The following NCAM1 variants were observed in gnomAD, a reference collection of about 807,000 sequenced individuals.
NCAM1 encodes the protein antigen recognized by monoclonal antibody 5.1H11.
A neutral mutation model predicts 109.8 loss-of-function variants in NCAM1; 14 were observed. The observed-to-expected ratio is 0.13, with a 90% CI of 0.08 to 0.20. The LOEUF is 0.20. NCAM1 is among the 10% of genes least tolerant of loss of function. NCAM1 has a pLI of 1.00. For synonymous variants in NCAM1, 418 were observed against 442.9 expected (o/e 0.94, Z 0.70); for missense variants, 774 against 1,109.9 (o/e 0.70, Z 4.30).
intron 1 of NCAM1, among the ~76,000 whole-genome samples, chr11:113,009,773 G>T (rs914151610): frequency 6.6e-6 from 1 of 152,130 alleles, no homozygotes; most frequent in Non-Finnish European, 1.5e-5. Context: ...AAGATAAAGG[G>T]AGTAATATGG....
intron 1 of NCAM1, among the ~76,000 whole-genome samples, chr11:113,053,131 C>G (rs1480259367): frequency 1.3e-5 from 2 of 152,198 alleles, no homozygotes; most frequent in Non-Finnish European, 2.9e-5. Flanking sequence ...TTGTTCAGCT[C>G]TCACTTATGA....
chr11:113,107,143 A>G (rs1204712685), intron 1 of NCAM1, among the ~76,000 whole-genome samples: 1 of 152,202 alleles, frequency 6.6e-6, no homozygotes, highest in Non-Finnish European at 1.5e-5. Context: ...AGACAGAAAT[A>G]CTTGGGAGAG....
chr11:112,980,143 A>T (rs1301155214), intron 1 of NCAM1, among the ~76,000 whole-genome samples: 1 of 152,012 alleles, frequency 6.6e-6, no homozygotes, highest in Non-Finnish European at 1.5e-5. Context: ...CCACAGTGAG[A>T]TACCACTTCA....
chr11:113,239,379 T>C (rs1945260338), intron 14 of NCAM1, among the ~76,000 whole-genome samples: 1 of 152,184 alleles, frequency 6.6e-6, no homozygotes, highest in Non-Finnish European at 1.5e-5. Flanking sequence ...TTCCCCTCCA[T>C]GACTGAGCTA....
chr11:113,259,888 C>T (rs1349659676), intron 16 of NCAM1, among the ~76,000 whole-genome samples: 6 of 151,758 alleles, frequency 4.0e-5, no homozygotes, highest in African/African-American at 1.5e-4. Flanking sequence ...ATTTTTAGTA[C>T]AGACGGGTTT....
At chr11:113,221,777 G>C (rs1555115366) in intron 9 of NCAM1, 1 of 157,764 alleles carries the variant, frequency 6.3e-6, no homozygotes, top group African/African-American at 2.4e-5. Context: ...ATAATGATCA[G>C]TCTTGGTAAA....
At chr11:113,239,418 A>G (rs1945261516) in intron 14 of NCAM1, among the ~76,000 whole-genome samples, 1 of 149,878 alleles carries the variant, frequency 6.7e-6, no homozygotes, top group African/African-American at 2.5e-5. Context: ...TTGCCCAAAC[A>G]TTACCTCTTA....
chr11:113,134,118 A>G (rs1941512065), intron 1 of NCAM1, among the ~76,000 whole-genome samples: 1 of 152,160 alleles, frequency 6.6e-6, no homozygotes, highest in South Asian at 2.1e-4. Flanking sequence ...GCAAGTCTAT[A>G]CCCATTAAAG....
intron 1 of NCAM1, among the ~76,000 whole-genome samples, chr11:113,001,693 G>A (rs577287640): frequency 6.6e-6 from 1 of 152,166 alleles, no homozygotes; most frequent in Non-Finnish European, 1.5e-5. Context: ...CCGAAGGCTG[G>A]TGTGGTGCCT....
intron 1 of NCAM1, among the ~76,000 whole-genome samples, chr11:112,975,192 A>T (rs7944837): frequency 0.3 from 45,979 of 151,886 alleles, 7,989 homozygotes; most frequent in East Asian, 0.67. Context: ...GTGGCCTGAG[A>T]TTCCACATTT....
chr11:112,995,855 T>C (rs1285895235), intron 1 of NCAM1, among the ~76,000 whole-genome samples: 1 of 152,230 alleles, frequency 6.6e-6, no homozygotes, highest in Non-Finnish European at 1.5e-5. Flanking sequence ...TGTCTGTTTC[T>C]GTTTGGCTAG....
chr11:113,118,239 G>A (rs1272035560), intron 1 of NCAM1, among the ~76,000 whole-genome samples: 1 of 151,740 alleles, frequency 6.6e-6, no homozygotes. Context: ...GCTCTCAGAG[G>A]ACATTCATAA....
chr11:113,193,221 A>G (rs1167372434), intron 1 of NCAM1, among the ~76,000 whole-genome samples: 2 of 152,238 alleles, frequency 1.3e-5, no homozygotes, highest in African/African-American at 4.8e-5. Flanking sequence ...GCAGGCGTGT[A>G]TCATCAAGTT....
chr11:113,074,123 T>C (rs941584530), intron 1 of NCAM1, among the ~76,000 whole-genome samples: 24 of 152,212 alleles, frequency 1.6e-4, no homozygotes, highest in African/African-American at 5.3e-4. Context: ...TACTTTTTGG[T>C]GCTGCTGCTG....
intron 2 of NCAM1, among the ~76,000 whole-genome samples, chr11:113,203,830 A>C (rs529557634): frequency 2.0e-5 from 3 of 152,350 alleles, no homozygotes; most frequent in African/African-American, 7.2e-5. Context: ...TCTCGCCTTC[A>C]TCTCAGGAGA....
At chr11:113,150,563 G>A (rs1476455498) in intron 1 of NCAM1, among the ~76,000 whole-genome samples, 1 of 152,204 alleles carries the variant, frequency 6.6e-6, no homozygotes, top group Non-Finnish European at 1.5e-5. Flanking sequence ...GCTGGGAGGA[G>A]TCAACAGCAT....
intron 1 of NCAM1, among the ~76,000 whole-genome samples, chr11:113,000,881 G>A (rs554485479): frequency 1.9e-4 from 25 of 134,692 alleles, no homozygotes; most frequent in African/African-American, 6.9e-4. Flanking sequence ...ACACATACAC[G>A]TATGTATGTG....
Position 112,961,559 on chromosome 11 carries a change from G to GGT in NCAM1, c.-53_-52insTG, listed in dbSNP as rs1950557919. 8.8e-7 allele frequency: 1 copy of GGT among 1,136,848 alleles called. No homozygotes were observed. The highest frequency in any genetic ancestry group is 2.3e-5 in the East Asian group (1 of 42,640). The allele number at this position is 1,136,848 out of a possible 1,614,324, so 70.4% of individuals were successfully genotyped here. A position where few individuals can be genotyped will look rare whatever the true frequency, so the allele number is the denominator to read the frequency against. Reference sequence around the variant, plus strand: ...CCGCCGTCCACACTCGCTGCAGGGGGGGGGGCACAGAATTTACCGCGGCAA... The same window carrying GGT: ...CCGCCGTCCACACTCGCTGCAGGGGGGTGGGGGCACAGAATTTACCGCGGCAA... On this transcript the variant is annotated 5_prime_UTR_variant, in exon 1 of 20. Transcript: ENST00000316851.
intron 1 of NCAM1, among the ~76,000 whole-genome samples, chr11:113,060,926 C>G (rs1953892878): frequency 6.6e-6 from 1 of 152,150 alleles, no homozygotes. Context: ...GTTAAGAACA[C>G]TTGACGTAAG....
Sources: allele counts gnomAD v4.1 joint callset (sites outside exome capture counted in the v4.1 genomes callset), GRCh38; gene constraint gnomAD v4.1.1; transcripts MANE v1.5; gene names NCBI Gene and HGNC (gene_info 2026-07-23, HGNC 2026-07-21).